The following PPP6R2 variants were observed in gnomAD, a reference collection of about 807,000 sequenced individuals.
The protein encoded by PPP6R2 is serine/threonine-protein phosphatase 6 regulatory subunit 2.
Under a neutral mutation model 100.2 loss-of-function variants are expected in PPP6R2, and 62 were observed. That is an observed-to-expected ratio of 0.62 (90% CI 0.50 to 0.76). PPP6R2 has a LOEUF of 0.76. Among genes scored for constraint, PPP6R2 ranks in the 30% least tolerant of loss-of-function variants. The pLI is 0.00. For synonymous variants in PPP6R2, 525 were observed against 514.7 expected, an observed-to-expected ratio of 1.02 and a Z score of -0.27; for missense variants, 1,142 against 1,276.3, an observed-to-expected ratio of 0.89 and a Z score of 1.60.
At chr22:50,381,957 T>A (rs1229390221) in intron 2 of PPP6R2, among the ~76,000 whole-genome samples, 1 of 151,132 alleles carries the variant, frequency 6.6e-6, no homozygotes, top group Non-Finnish European at 1.5e-5. Flanking sequence ...AATTTCCAAA[T>A]TAGTGAAGAG....
chr22:50,355,391 A>G (rs1419099781), intron 1 of PPP6R2, among the ~76,000 whole-genome samples: 1 of 148,538 alleles, frequency 6.7e-6, no homozygotes. Context: ...GGTACCTGCC[A>G]CCACGCCCGG....
chr22:50,362,447 G>C (rs2047976798), intron 1 of PPP6R2, among the ~76,000 whole-genome samples: 1 of 152,168 alleles, frequency 6.6e-6, no homozygotes, highest in Non-Finnish European at 1.5e-5. Flanking sequence ...ACCTTGGAAT[G>C]TGCAGCGACG....
chr22:50,380,395 C>T (rs1424348198), intron 2 of PPP6R2, among the ~76,000 whole-genome samples: 2 of 150,500 alleles, frequency 1.3e-5, no homozygotes, highest in Non-Finnish European at 1.5e-5. Flanking sequence ...TGGAGTCTCT[C>T]TGCCACCCAG....
chr22:50,383,028 G>A (rs941138838), intron 2 of PPP6R2, among the ~76,000 whole-genome samples: 13 of 152,014 alleles, frequency 8.6e-5, no homozygotes, highest in African/African-American at 3.1e-4. Flanking sequence ...AGTAGAAATG[G>A]GGTTTTACCA....
intron 1 of PPP6R2, among the ~76,000 whole-genome samples, chr22:50,362,505 A>T (rs941886641): frequency 2.0e-5 from 3 of 152,174 alleles, no homozygotes; most frequent in Non-Finnish European, 4.4e-5. Context: ...TTCCCGTTGC[A>T]GAGCACGTGC....
rs2066585887 is a variant in PPP6R2, at chr22:50,444,367, T to C, written c.*120T>C. On this transcript the variant is annotated 3_prime_UTR_variant, in exon 24 of 24. Coordinates refer to ENST00000612753, the MANE Select transcript of PPP6R2 (RefSeq NM_001242898.2). The stretch of plus-strand genomic sequence containing the variant: ...ATTTAATTTTAAAATAAATGCTGCA[T>C]TGGTAAAGCTGGCAGTTGAAACCAG... 6.2e-6 allele frequency: 8 copies of C among 1,298,046 alleles called. No individual in the cohort carries two copies. Among genetic ancestry groups the C allele is most frequent in the Admixed American group, 2.6e-5 (1 of 37,868 alleles). The allele number at this position is 1,298,046 out of a possible 1,614,324, so 80.4% of individuals were successfully genotyped here.
At chr22:50,333,063 C>T in the PPP6R2 span, among the ~76,000 whole-genome samples, 1 of 152,078 alleles carries the variant, frequency 6.6e-6, no homozygotes, top group African/African-American at 2.4e-5. Context: ...CACCTAAGCC[C>T]AGGAGGTGGA....
chr22:50,442,351 G>A (rs1433136464), intron 22 of PPP6R2, among the ~76,000 whole-genome samples: 1 of 152,188 alleles, frequency 6.6e-6, no homozygotes, highest in Non-Finnish European at 1.5e-5. Context: ...CCCCGTCTGT[G>A]CTCACAGCTC....
At chr22:50,363,222 C>T (rs1179036255) in intron 1 of PPP6R2, among the ~76,000 whole-genome samples, 2 of 152,190 alleles carry the variant, frequency 1.3e-5, no homozygotes, top group Non-Finnish European at 2.9e-5. Context: ...TCTTGTGCTG[C>T]AGCCTTCACT....
At chr22:50,357,017 A>ATTCCT (rs2046753453) in intron 1 of PPP6R2, among the ~76,000 whole-genome samples, 1 of 152,074 alleles carries the variant, frequency 6.6e-6, no homozygotes, top group African/African-American at 2.4e-5. Context: ...ATGGGTGAGA[A>ATTCCT]TTCCTTTCTC....
At chr22:50,368,353 C>T (rs2049213045) in intron 1 of PPP6R2, among the ~76,000 whole-genome samples, 1 of 152,208 alleles carries the variant, frequency 6.6e-6, no homozygotes, top group Non-Finnish European at 1.5e-5. Context: ...GGCACTGGCG[C>T]TACCACTAGA....
chr22:50,421,467 C>CA (rs1375383434), intron 8 of PPP6R2, among the ~76,000 whole-genome samples: 11 of 152,348 alleles, frequency 7.2e-5, no homozygotes, highest in African/African-American at 2.6e-4. Context: ...CTGTCCCCCC[C>CA]AAAGTGCTGG....
chr22:50,424,822 A>G (rs775231848), intron 10 of PPP6R2, among the ~76,000 whole-genome samples: 17 of 151,532 alleles, frequency 1.1e-4, no homozygotes, highest in Non-Finnish European at 2.1e-4. Flanking sequence ...TTGTATTTTT[A>G]GTAGAGACGG....
upstream of PPP6R2, among the ~76,000 whole-genome samples, chr22:50,340,961 A>AGTGCAGTGAC (rs1372325003): frequency 3.3e-5 from 5 of 152,044 alleles, no homozygotes; most frequent in Non-Finnish European, 7.4e-5. Context: ...CCCAGGCTGG[A>AGTGCAGTGAC]GTGCAGTGAC....
At chr22:50,335,941 G>A in the PPP6R2 span, among the ~76,000 whole-genome samples, 5 of 148,240 alleles carry the variant, frequency 3.4e-5, no homozygotes, top group Admixed American at 2.0e-4. Context: ...CTCCCAAAGT[G>A]CTGAGATTAC....
intron 2 of PPP6R2, among the ~76,000 whole-genome samples, chr22:50,376,653 G>T (rs1228850730): frequency 6.6e-6 from 1 of 151,916 alleles, no homozygotes; most frequent in Non-Finnish European, 1.5e-5. Flanking sequence ...TGAATTCCTG[G>T]CTTTAAGCAA....
intron 4 of PPP6R2, among the ~76,000 whole-genome samples, chr22:50,413,795 A>G (rs982280709): frequency 2.0e-5 from 3 of 151,406 alleles, no homozygotes; most frequent in African/African-American, 7.3e-5. Flanking sequence ...CTGTGTTCCC[A>G]TTGTTTCCAG....
At chr22:50,435,198 G>C in intron 13 of PPP6R2, 117 bp downstream of exon 13, 1 of 760,278 alleles carries the variant, frequency 1.3e-6, no homozygotes, top group Non-Finnish European at 2.0e-6. Flanking sequence ...GACAGTGAGA[G>C]ACCCATGGCC....
chr22:50,403,058 CAA>C (rs2058300812), intron 3 of PPP6R2, among the ~76,000 whole-genome samples: 5 of 152,216 alleles, frequency 3.3e-5, no homozygotes, highest in African/African-American at 9.6e-5. Context: ...ACCAAAAATA[CAA>C]AAGTTAGCCG....
Sources: gnomAD v4.1 joint callset for allele counts (sites outside exome capture counted in the v4.1 genomes callset) on GRCh38, gnomAD v4.1.1 for gene constraint, MANE v1.5 for transcripts, NCBI Gene and HGNC (gene_info 2026-07-23, HGNC 2026-07-21) for gene names.